Variants in ACER2 observed in about 807,000 individuals in gnomAD.
The protein encoded by ACER2 is alkaline ceramidase 2, also known as alkCDase 2.
In ACER2, 26 loss-of-function variants were observed where a neutral mutation model predicts 34.7. The ratio of observed to expected loss-of-function variants is 0.75; its 90% CI spans 0.55 to 1.04. ACER2 has a LOEUF of 1.04. Among genes scored for constraint, ACER2 ranks in the 50% least tolerant of loss-of-function variants. The probability of loss-of-function intolerance (pLI) is 0.00; values close to 1 mark genes in which losing one functional copy is unlikely to be tolerated. For synonymous variants in ACER2, 138 were observed against 132.1 expected, an observed-to-expected ratio of 1.04 and a Z score of -0.31; for missense variants, 352 against 340.8, an observed-to-expected ratio of 1.03 and a Z score of -0.26.
intron 1 of ACER2, among the ~76,000 whole-genome samples, chr9:19,419,810 G>A (rs926190679): frequency 6.6e-6 from 1 of 152,050 alleles, no homozygotes; most frequent in Non-Finnish European, 1.5e-5. Flanking sequence ...CTAGAAAAAG[G>A]TACCCCTTTC....
intron 1 of ACER2, chr9:19,409,813 G>C: frequency 1.0e-6 from 1 of 985,310 alleles, no homozygotes; most frequent in Non-Finnish European, 1.2e-6. Flanking sequence ...ACTCCCCCAG[G>C]ACTGTGCTTT....
At position 19,450,739 on chromosome 9, in the gene ACER2, A is replaced by C. The variant is rs1351962380; in HGVS notation, c.*103A>C. 6.0e-6 allele frequency: 7 copies of C among 1,163,658 alleles called. No homozygotes were observed. Among genetic ancestry groups the C allele is most frequent in the Non-Finnish European group, 7.0e-6 (6 of 861,570 alleles). 72.1% of individuals were successfully genotyped at this position (1,163,658 alleles called of 1,614,324 possible). ...AGTTCGAATAGTTGGGGTGTGGGCT[A>C]TCTTTTCAAAAATCTATTTGCTGGG... On this transcript the variant is annotated 3_prime_UTR_variant, in exon 6 of 6. Coordinates refer to ENST00000340967, the MANE Select transcript of ACER2 (RefSeq NM_001010887.3).
At chr9:19,412,030 A>G in intron 1 of ACER2, among the ~76,000 whole-genome samples, 1 of 152,226 alleles carries the variant, frequency 6.6e-6, no homozygotes, top group South Asian at 2.1e-4. Context: ...ATTTGACTCT[A>G]CCAAGAGAGT....
At chr9:19,439,357 T>TTTTTTTTTTTG (rs1732736583) in intron 4 of ACER2, among the ~76,000 whole-genome samples, 5 of 151,534 alleles carry the variant, frequency 3.3e-5, no homozygotes, top group Non-Finnish European at 5.9e-5. Context: ...TTTTTTTTTT[T>TTTTTTTTTTTG]GGAGACGTAG....
intron 1 of ACER2, among the ~76,000 whole-genome samples, chr9:19,415,832 A>C (rs1432493477): frequency 1.3e-5 from 2 of 152,086 alleles, no homozygotes; most frequent in Non-Finnish European, 2.9e-5. Flanking sequence ...TGCTCCTTCC[A>C]CTGGAAAATG....
intron 4 of ACER2, among the ~76,000 whole-genome samples, chr9:19,437,442 A>G (rs1157582163): frequency 6.6e-6 from 1 of 151,744 alleles, no homozygotes; most frequent in East Asian, 1.9e-4. Flanking sequence ...TTCATCTGTC[A>G]CCTCCTCCCA....
chr9:19,446,241 C>G, intron 4 of ACER2, 40 bp from the exon 5 acceptor site: 1 of 1,614,058 alleles, frequency 6.2e-7, no homozygotes, highest in Non-Finnish European at 8.5e-7. Flanking sequence ...GAGGTGGAGA[C>G]AAGGTCTGAC....
chr9:19,418,612 CTG>C (rs1210060394), intron 1 of ACER2, among the ~76,000 whole-genome samples: 2 of 152,170 alleles, frequency 1.3e-5, no homozygotes, highest in African/African-American at 2.4e-5. Context: ...AAACCAAACA[CTG>C]TATGTTCTCA....
chr9:19,437,015 T>G (rs77260946), intron 4 of ACER2, among the ~76,000 whole-genome samples: 5,386 of 152,322 alleles, frequency 0.035, 324 homozygotes, highest in African/African-American at 0.12. Flanking sequence ...CTGTTCCTAC[T>G]CTGCTCCTTT....
At chr9:19,431,908 A>T (rs1830766159) in intron 3 of ACER2, among the ~76,000 whole-genome samples, 1 of 152,208 alleles carries the variant, frequency 6.6e-6, no homozygotes, top group African/African-American at 2.4e-5. Flanking sequence ...CTTAACTGTG[A>T]CCTGTTCCAG....
chr9:19,427,055 G>A (rs1007350401), intron 3 of ACER2, among the ~76,000 whole-genome samples: 1 of 152,168 alleles, frequency 6.6e-6, no homozygotes, highest in South Asian at 2.1e-4. Flanking sequence ...CCCTGGCTTT[G>A]GAAGCAATCT....
chr9:19,448,276 A>C (rs1351910549), intron 5 of ACER2, among the ~76,000 whole-genome samples: 1 of 152,146 alleles, frequency 6.6e-6, no homozygotes, highest in Admixed American at 6.5e-5. Context: ...GGGCTCCCAA[A>C]GTGCTGGGAT....
intron 3 of ACER2, among the ~76,000 whole-genome samples, chr9:19,425,721 T>C (rs1589044392): frequency 6.6e-6 from 1 of 152,160 alleles, no homozygotes; most frequent in Non-Finnish European, 1.5e-5. Flanking sequence ...TTTGTTACTA[T>C]CTAGAGGCAC....
Position 19,442,396 on chromosome 9 carries a change from C to T in ACER2, c.504-3885C>T, listed in dbSNP as rs199826428. On this transcript the variant is annotated intron_variant, in intron 4 of 5. Transcript: ENST00000340967. Reference sequence around the variant, plus strand: ...GAAATGGGAGTGAAACCTAATGGACCGCAGCTTTGGACAAGCCCCGAGTGC... The same window carrying T: ...GAAATGGGAGTGAAACCTAATGGACTGCAGCTTTGGACAAGCCCCGAGTGC... Among the ~76,000 whole-genome samples the T allele has an allele frequency of 5.9e-5, 9 of 152,264 alleles. No individual in the cohort carries two copies. The East Asian group carries it at 1.4e-3, about 23-fold the overall frequency.
chr9:19,416,666 C>G (rs966886079), intron 1 of ACER2, among the ~76,000 whole-genome samples: 68 of 151,816 alleles, frequency 4.5e-4, no homozygotes, highest in African/African-American at 1.6e-3. Flanking sequence ...GGTGGGATTA[C>G]AGGCGCCCGC....
chr9:19,418,613 T>TG (rs1830309273), intron 1 of ACER2, among the ~76,000 whole-genome samples: 1 of 152,012 alleles, frequency 6.6e-6, no homozygotes, highest in South Asian at 2.1e-4. Context: ...AACCAAACAC[T>TG]GTATGTTCTC....
At chr9:19,438,409 C>G (rs1831040263) in intron 4 of ACER2, among the ~76,000 whole-genome samples, 1 of 152,176 alleles carries the variant, frequency 6.6e-6, no homozygotes, top group Non-Finnish European at 1.5e-5. Flanking sequence ...GGAACTCTCC[C>G]TAATGTGCCT....
chr9:19,434,815 A>G, intron 3 of ACER2, 132 bp from the exon 4 acceptor site: 2 of 1,199,140 alleles, frequency 1.7e-6, no homozygotes, highest in Non-Finnish European at 2.4e-6. Context: ...TGGCTTTTTG[A>G]ACCTTGGTAC....
At position 19,448,956 on chromosome 9, in the gene ACER2, C is replaced by T. The variant is rs564142475; in HGVS notation, c.642-1494C>T. ...GAGATCGAGACCATCCTGGCTAACA[C>T]GGTGAAACCCCGTCTCTACTAAAAA... On this transcript the variant is annotated intron_variant, in intron 5 of 5. Coordinates refer to ENST00000340967, the MANE Select transcript of ACER2 (RefSeq NM_001010887.3). 5.9e-5 allele frequency among the ~76,000 whole-genome samples: 9 copies of T among 152,160 alleles called. No individual in the cohort carries two copies. The East Asian group carries it at 1.2e-3, about 20-fold the overall frequency.
Sources: gnomAD v4.1 joint callset for allele counts (sites outside exome capture counted in the v4.1 genomes callset) on GRCh38, gnomAD v4.1.1 for gene constraint, MANE v1.5 for transcripts, NCBI Gene and HGNC (gene_info 2026-07-23, HGNC 2026-07-21) for gene names.